KIAA0825: variants seen among roughly 807,000 people sequenced by gnomAD.
The protein encoded by KIAA0825 is KIAA0825, also known as uncharacterized protein KIAA0825.
KIAA0825 carries 119 observed loss-of-function variants against 147.6 expected under a neutral mutation model. That is an observed-to-expected ratio of 0.81 (90% CI 0.69 to 0.94). The LOEUF (loss-of-function observed/expected upper bound fraction) is 0.94. Ranked by LOEUF, KIAA0825 falls within the 40% of genes least tolerant of loss-of-function variation. The pLI, the probability that KIAA0825 is intolerant of heterozygous loss-of-function variation, is 0.00. For missense variants in KIAA0825, 1,381 were observed against 1,472.7 expected (o/e 0.94, Z 1.02); for synonymous variants, 470 against 518.1 (o/e 0.91, Z 1.26).
At chr5:94,350,630 A>G (rs1389547971) in intron 20 of KIAA0825, among the ~76,000 whole-genome samples, 1 of 152,214 alleles carries the variant, frequency 6.6e-6, no homozygotes, top group Non-Finnish European at 1.5e-5. Context: ...TTTAACATAC[A>G]CAAGTCGATA....
Position 94,579,622 on chromosome 5 carries a change from T to C in KIAA0825, c.-2+2811A>G, listed in dbSNP as rs76604589. 4.6e-3 allele frequency among the ~76,000 whole-genome samples: 699 copies of C among 152,328 alleles called. 2 individuals are homozygous for C. Among genetic ancestry groups the C allele is most frequent in the African/African-American group, 0.016 (670 of 41,582 alleles). ...TACATAAATCTGAAAGTGCTCTAAA[T>C]GAATTTGCATAAAGCTGGCTTGGTC... On this transcript the variant is annotated intron_variant, in intron 2 of 20. Transcript: ENST00000682413.
At chr5:94,223,208 T>C (rs1038916372) in intron 20 of KIAA0825, among the ~76,000 whole-genome samples, 1 of 152,240 alleles carries the variant, frequency 6.6e-6, no homozygotes, top group African/African-American at 2.4e-5. Context: ...ATTTCATTTT[T>C]ACCATGTTAC....
chr5:94,315,355 T>A (rs1375892911), intron 20 of KIAA0825, among the ~76,000 whole-genome samples: 3 of 151,784 alleles, frequency 2.0e-5, no homozygotes, highest in Admixed American at 6.6e-5. Flanking sequence ...GTAAACTTAT[T>A]ATTTTTTTTA....
At chr5:94,232,625 C>A (rs892913527) in intron 20 of KIAA0825, among the ~76,000 whole-genome samples, 12 of 151,974 alleles carry the variant, frequency 7.9e-5, no homozygotes, top group African/African-American at 2.7e-4. Context: ...TAATAACTTG[C>A]AATAACAAAC....
chr5:94,367,863 T>C (rs1746095165), intron 20 of KIAA0825, among the ~76,000 whole-genome samples: 1 of 152,258 alleles, frequency 6.6e-6, no homozygotes, highest in African/African-American at 2.4e-5. Flanking sequence ...TGCGTATTCA[T>C]GGCAGTTTAA....
intron 2 of KIAA0825, among the ~76,000 whole-genome samples, chr5:94,548,222 T>C (rs115629182): frequency 0.015 from 2,286 of 152,238 alleles, 69 homozygotes; most frequent in African/African-American, 0.053. Flanking sequence ...TTTCAAGATG[T>C]AGACAGTACA....
intron 1 of KIAA0825, among the ~76,000 whole-genome samples, chr5:94,610,012 T>C (rs372166594): frequency 6.6e-6 from 1 of 152,058 alleles, no homozygotes; most frequent in Non-Finnish European, 1.5e-5. Flanking sequence ...GAATTATATA[T>C]CTGAAAAAAT....
chr5:94,499,307 T>C lies in KIAA0825; in HGVS notation c.971-14377A>G, dbSNP rs150543514. ...AAGTAAACTCTCCATGCTGTGAACA[T>C]CCCTCATGTTGAAATTCTATTTCTG... On this transcript the variant is annotated intron_variant, in intron 5 of 20. Transcript: ENST00000682413. Among the ~76,000 whole-genome samples, 8 of 152,244 alleles carry C rather than the reference T, an allele frequency of 5.3e-5. 1 individual carries two copies. In the East Asian group the frequency reaches 1.5e-3, roughly 29 times the overall value.
chr5:94,496,859 T>C (rs977382879), intron 5 of KIAA0825, among the ~76,000 whole-genome samples: 4 of 152,166 alleles, frequency 2.6e-5, no homozygotes, highest in African/African-American at 7.2e-5. Flanking sequence ...GCTACATAAA[T>C]AGCATGGTGT....
intron 2 of KIAA0825, among the ~76,000 whole-genome samples, chr5:94,542,256 GACTAA>G (rs1451240413): frequency 6.6e-6 from 1 of 152,218 alleles, no homozygotes; most frequent in Non-Finnish European, 1.5e-5. Context: ...TAACTGCATT[GACTAA>G]ACTAATAGAA....
chr5:94,564,214 G>GTTTTTT (rs545943328), intron 2 of KIAA0825, among the ~76,000 whole-genome samples: 2 of 105,194 alleles, frequency 1.9e-5, no homozygotes, highest in Non-Finnish European at 1.9e-5. Context: ...TATTCCCCTT[G>GTTTTTT]TTTTTTTTTT....
chr5:94,294,520 G>A (rs1305681835), intron 20 of KIAA0825, among the ~76,000 whole-genome samples: 1 of 152,196 alleles, frequency 6.6e-6, no homozygotes, highest in Non-Finnish European at 1.5e-5. Context: ...GAGGTCAGGA[G>A]TTTGAGACCA....
chr5:94,318,203 A>ATT lies in KIAA0825; in HGVS notation c.3710+66163_3710+66164dup, dbSNP rs141459944. On this transcript the variant is annotated intron_variant, in intron 20 of 20. Coordinates refer to ENST00000682413, the MANE Select transcript of KIAA0825 (RefSeq NM_001145678.3). ...TCAGTGTAAAATGTCTAGTTTGCAC[A>ATT]TTTCCGAAAATTTAAATATAGACTC... Among the ~76,000 whole-genome samples the ATT allele has an allele frequency of 6.8e-3, 1,028 of 151,860 alleles. 14 individuals carry two copies. Among genetic ancestry groups the ATT allele is most frequent in the African/African-American group, 0.024 (991 of 41,512 alleles).
intron 20 of KIAA0825, among the ~76,000 whole-genome samples, chr5:94,198,854 C>G (rs1771392984): frequency 6.6e-6 from 1 of 152,202 alleles, no homozygotes; most frequent in Non-Finnish European, 1.5e-5. Flanking sequence ...TCAACACTTT[C>G]AATTGTATTA....
At chr5:94,268,618 A>G (rs1184076248) in intron 20 of KIAA0825, among the ~76,000 whole-genome samples, 1 of 152,150 alleles carries the variant, frequency 6.6e-6, no homozygotes, top group East Asian at 1.9e-4. Flanking sequence ...AAATCAAAGG[A>G]GAATCTTTAG....
intron 20 of KIAA0825, among the ~76,000 whole-genome samples, chr5:94,240,562 T>A (rs777344804): frequency 1.3e-5 from 2 of 152,206 alleles, no homozygotes; most frequent in Non-Finnish European, 1.5e-5. Flanking sequence ...TTATTCAGCA[T>A]CCAACTCTTC....
At chr5:94,255,574 A>G (rs1261795773) in intron 20 of KIAA0825, among the ~76,000 whole-genome samples, 2 of 151,966 alleles carry the variant, frequency 1.3e-5, no homozygotes, top group African/African-American at 2.4e-5. Flanking sequence ...GGCAGGGGAG[A>G]TGGGCAGAAA....
rs574243542 is a variant in KIAA0825 at position 94,443,348 on chromosome 5, A to ATG, written c.2358-3229_2358-3228dup. 2.5e-3 allele frequency among the ~76,000 whole-genome samples: 340 copies of ATG among 138,284 alleles called. 1 individual carries two copies. Among genetic ancestry groups the ATG allele is most frequent in the African/African-American group, 8.2e-3 (317 of 38,446 alleles). The allele number at this position is 138,284 out of a possible 152,430, so 90.7% of individuals were successfully genotyped here. On this transcript the variant is annotated intron_variant, in intron 13 of 20. Coordinates refer to ENST00000682413, the MANE Select transcript of KIAA0825 (RefSeq NM_001145678.3). ...AGAAAGGGAAATTTTATATATATAT[A>ATG]TGTATATATATACACACACACACAC...
intron 1 of KIAA0825, among the ~76,000 whole-genome samples, chr5:94,584,721 C>T (rs1782918501): frequency 6.6e-6 from 1 of 151,928 alleles, no homozygotes; most frequent in African/African-American, 2.4e-5. Flanking sequence ...GAAGAGCAAC[C>T]CCAAGACACA....
Sources: gnomAD v4.1 joint callset for allele counts (sites outside exome capture counted in the v4.1 genomes callset) on GRCh38, gnomAD v4.1.1 for gene constraint, MANE v1.5 for transcripts, NCBI Gene and HGNC (gene_info 2026-07-23, HGNC 2026-07-21) for gene names.